CCDC191: variants seen among roughly 807,000 people sequenced by gnomAD.
CCDC191 encodes coiled-coil domain-containing protein 191.
In CCDC191, 99 loss-of-function variants were observed where a neutral mutation model predicts 114.0. That is an observed-to-expected ratio of 0.87 (90% CI 0.74 to 1.03). The LOEUF is 1.03. Among genes scored for constraint, CCDC191 ranks in the 50% least tolerant of loss-of-function variants. CCDC191 has a pLI of 0.00. For synonymous variants in CCDC191, 351 were observed against 376.0 expected (o/e 0.93, Z 0.77); for missense variants, 973 against 1,087.0 (o/e 0.90, Z 1.47).
At chr3:113,966,869 C>T (rs1374614265) in intron 16 of CCDC191, among the ~76,000 whole-genome samples, 1 of 151,938 alleles carries the variant, frequency 6.6e-6, no homozygotes, top group East Asian at 1.9e-4. Context: ...GAGGTTGAGG[C>T]GGGTGACTCA....
intron 16 of CCDC191, among the ~76,000 whole-genome samples, chr3:113,975,434 A>C (rs1047008145): frequency 6.6e-6 from 1 of 152,192 alleles, no homozygotes; most frequent in Non-Finnish European, 1.5e-5. Flanking sequence ...AGCCCCTTTT[A>C]AAGACTGGTG....
intron 16 of CCDC191, among the ~76,000 whole-genome samples, chr3:113,971,205 C>T (rs1189607664): frequency 6.6e-6 from 1 of 152,208 alleles, no homozygotes; most frequent in African/African-American, 2.4e-5. Context: ...GTTCCTATTT[C>T]TCCACATCCT....
chr3:114,040,630 A>C (rs1403887162), intron 4 of CCDC191, among the ~76,000 whole-genome samples: 1 of 152,216 alleles, frequency 6.6e-6, no homozygotes, highest in South Asian at 2.1e-4. Context: ...TACTATTTGC[A>C]TGGTATATCT....
intron 5 of CCDC191, 37 bp downstream of exon 5, chr3:114,036,571 T>C: frequency 1.4e-6 from 2 of 1,460,390 alleles, no homozygotes; most frequent in Non-Finnish European, 1.9e-6. Flanking sequence ...AAAGACTGCT[T>C]CCTGTTATCC....
chr3:114,021,240 T>C (rs2076239363), intron 7 of CCDC191, among the ~76,000 whole-genome samples: 1 of 152,114 alleles, frequency 6.6e-6, no homozygotes, highest in African/African-American at 2.4e-5. Flanking sequence ...AAATTTTGAG[T>C]TTATAAATTC....
At position 113,974,794 on chromosome 3, in the gene CCDC191, C is replaced by CT. The variant is rs148835423; in HGVS notation, c.2606+3391dup. ...TGTTCTCCTGCTATGTGGCTGCCTCCTTTTTGGCACTAGATGGTGCTTTAA... is the reference window on the plus strand; with the variant it reads ...TGTTCTCCTGCTATGTGGCTGCCTCCTTTTTTGGCACTAGATGGTGCTTTAA... On this transcript the variant is annotated intron_variant, in intron 16 of 16. Coordinates refer to ENST00000295878, the MANE Select transcript of CCDC191 (RefSeq NM_020817.2). Among the ~76,000 whole-genome samples the CT allele has an allele frequency of 4.5e-3, 688 of 152,196 alleles. 7 individuals are homozygous for CT. The highest frequency in any genetic ancestry group is 0.016 in the African/African-American group (657 of 41,486).
In CCDC191 at chr3:114,005,765, G is replaced by A. The variant is rs768529138; in HGVS notation, c.1611C>T (p.Leu537=). 1 of 1,614,084 alleles carries A rather than the reference G, an allele frequency of 6.2e-7. No individual in the cohort carries two copies. The highest frequency in any genetic ancestry group is 1.1e-5 in the South Asian group (1 of 91,074). ...GTTCTGCTTTCTGGCTGGTAGTTCT[G>A]AGTGTCTCGTTGCTGCCAGGCTGTT... ...PSQQPGSNET[L]RTTSQKAEPL... Residue 537 remains leucine (L), a synonymous_variant, in exon 10 of 17, where the codon CTC becomes CTT. Transcript: ENST00000295878.
At chr3:113,980,909 A>G in intron 13 of CCDC191, 116 bp from the exon 14 acceptor site, 3 of 927,980 alleles carry the variant, frequency 3.2e-6, no homozygotes, top group African/African-American at 3.4e-5. Flanking sequence ...GTTAATCATG[A>G]TAACAGAGCT....
intron 2 of CCDC191, among the ~76,000 whole-genome samples, chr3:114,047,901 G>A (rs1318107080): frequency 2.0e-5 from 3 of 152,018 alleles, no homozygotes; most frequent in African/African-American, 7.3e-5. Flanking sequence ...CTTGAACCCG[G>A]GAGGCAGAGG....
At chr3:114,037,097 G>T (rs1196642201) in intron 4 of CCDC191, 1 of 166,032 alleles carries the variant, frequency 6.0e-6, no homozygotes, top group Non-Finnish European at 1.3e-5. Context: ...GAGCTCTACT[G>T]CTTTCAAAAA....
At chr3:114,047,351 A>G (rs2076643687) in intron 2 of CCDC191, among the ~76,000 whole-genome samples, 1 of 152,188 alleles carries the variant, frequency 6.6e-6, no homozygotes, top group South Asian at 2.1e-4. Context: ...GTTTTTATTT[A>G]CCTGCACAGA....
chr3:113,979,004 C>T lies in CCDC191; in HGVS notation c.2314G>A (p.Glu772Lys). The change falls in exon 15 of 17, where the codon GAA becomes AAA. Residue 772 changes from glutamate (E) to lysine (K), a missense_variant. By Grantham distance (56) the Glu-to-Lys change is moderately conservative. Coordinates refer to ENST00000295878, the MANE Select transcript of CCDC191 (RefSeq NM_020817.2). ...MQSKQNIQVA[E>K]EHYSLFLQRK... ...TGCAGGAACAAAGAGTAATGTTCTT[C>T]TGCCACCTGGACAATTTTTTAAATG... The T allele has an allele frequency of 6.2e-7, 1 of 1,613,226 alleles. No homozygotes were observed. Among genetic ancestry groups the T allele is most frequent in the East Asian group, 2.2e-5 (1 of 44,866 alleles).
intron 7 of CCDC191, among the ~76,000 whole-genome samples, chr3:114,028,614 TTA>T: frequency 6.6e-6 from 1 of 151,946 alleles, no homozygotes; most frequent in Non-Finnish European, 1.5e-5. Context: ...TGTACTAGGA[TTA>T]CCCTAATAAG....
At chr3:113,991,377 C>T (rs1026758994) in intron 13 of CCDC191, among the ~76,000 whole-genome samples, 13 of 149,618 alleles carry the variant, frequency 8.7e-5, no homozygotes, top group Admixed American at 4.7e-4. Flanking sequence ...GATAATTTTA[C>T]ATTGGAAAAT....
chr3:113,967,541 G>T (rs940118726), intron 16 of CCDC191, among the ~76,000 whole-genome samples: 2 of 152,004 alleles, frequency 1.3e-5, no homozygotes, highest in African/African-American at 2.4e-5. Flanking sequence ...TATTTTGGGG[G>T]TACATGTAAT....
chr3:113,987,338 A>G (rs2075397141), intron 13 of CCDC191, among the ~76,000 whole-genome samples: 1 of 152,210 alleles, frequency 6.6e-6, no homozygotes, highest in Non-Finnish European at 1.5e-5. Flanking sequence ...CAAAGAAATG[A>G]AGAGCATCAG....
At chr3:113,978,370 A>G in intron 15 of CCDC191, 39 bp from the exon 16 acceptor site, 3 of 1,601,968 alleles carry the variant, frequency 1.9e-6, no homozygotes, top group Non-Finnish European at 2.6e-6. Context: ...GACAAAAAAT[A>G]TCAGTTGACA....
rs776676351 is a variant in CCDC191 at position 114,031,767 on chromosome 3, C to A, written c.831G>T (p.Arg277Ser). The A allele has an allele frequency of 4.3e-6, 6 of 1,400,680 alleles. No individual in the cohort carries two copies. Among genetic ancestry groups the A allele is most frequent in the South Asian group, 1.2e-5 (1 of 83,260 alleles). 86.8% of individuals were successfully genotyped at this position (1,400,680 alleles called of 1,614,324 possible). A position where few individuals can be genotyped will look rare whatever the true frequency, so the allele number is the denominator to read the frequency against. ...VKAAWKIEKKRQEENSQNSSE... is the reference protein window; with the variant it reads ...VKAAWKIEKKSQEENSQNSSE... ...AACTATTTTGAGAATTCTCTTCTTG[C>A]CTTTTCTTCTCTCTATTAATAACAA... The change falls in exon 7 of 17, where the codon AGG (arginine) becomes AGT (serine). Residue 277 changes from arginine to serine, a missense_variant. Coordinates refer to ENST00000295878, the MANE Select transcript of CCDC191 (RefSeq NM_020817.2).
intron 8 of CCDC191, among the ~76,000 whole-genome samples, chr3:114,016,676 A>G (rs1254080140): frequency 6.6e-6 from 1 of 152,210 alleles, no homozygotes; most frequent in East Asian, 1.9e-4. Flanking sequence ...CTTTTTTAAA[A>G]AATTGGCACA....
Sources: gnomAD v4.1 joint callset for allele counts (sites outside exome capture counted in the v4.1 genomes callset) on GRCh38, gnomAD v4.1.1 for gene constraint, MANE v1.5 for transcripts, NCBI Gene and HGNC (gene_info 2026-07-23, HGNC 2026-07-21) for gene names.